Variants in VWA8 observed in about 807,000 individuals in gnomAD.
The protein encoded by VWA8 is von Willebrand factor A domain-containing protein 8.
Under a neutral mutation model 241.5 loss-of-function variants are expected in VWA8, and 221 were observed. The observed-to-expected ratio is 0.91, with a 90% CI of 0.82 to 1.02. The LOEUF (loss-of-function observed/expected upper bound fraction) is 1.02, where lower values mean the gene tolerates loss of function less well. Among genes scored for constraint, VWA8 ranks in the 50% least tolerant of loss-of-function variants. VWA8 has a pLI of 0.00. For missense variants in VWA8, 2,322 were observed against 2,328.7 expected (o/e 1.00, Z 0.06); for synonymous variants, 852 against 827.1 (o/e 1.03, Z -0.52).
chr13:41,775,227 C>CA (rs994446428), intron 20 of VWA8, among the ~76,000 whole-genome samples: 3 of 151,786 alleles, frequency 2.0e-5, no homozygotes, highest in African/African-American at 7.3e-5. Flanking sequence ...AATTTACTTC[C>CA]AAAAAAACAT....
intron 12 of VWA8, among the ~76,000 whole-genome samples, chr13:41,839,011 G>A (rs1266435848): frequency 6.6e-6 from 1 of 152,040 alleles, no homozygotes; most frequent in Non-Finnish European, 1.5e-5. Context: ...GTTATATACT[G>A]AGTAATGGGA....
chr13:41,622,489 G>A (rs1310076075), intron 37 of VWA8, among the ~76,000 whole-genome samples: 1 of 152,036 alleles, frequency 6.6e-6, no homozygotes, highest in East Asian at 1.9e-4. Context: ...TCACTTAAAG[G>A]GATCAAAAAT....
chr13:41,571,256 A>ATATC (rs1471269559), intron 43 of VWA8, among the ~76,000 whole-genome samples: 7 of 147,078 alleles, frequency 4.8e-5, no homozygotes, highest in Non-Finnish European at 9.0e-5. Flanking sequence ...ATATGATTGT[A>ATATC]TATCTAGAAA....
At chr13:41,793,598 G>C (rs1391159281) in intron 17 of VWA8, among the ~76,000 whole-genome samples, 1 of 152,100 alleles carries the variant, frequency 6.6e-6, no homozygotes, top group Non-Finnish European at 1.5e-5. Flanking sequence ...TGGATCACGA[G>C]GTCAAGAGAT....
At chr13:41,818,781 C>T (rs536402671) in intron 15 of VWA8, among the ~76,000 whole-genome samples, 1 of 152,164 alleles carries the variant, frequency 6.6e-6, no homozygotes, top group East Asian at 1.9e-4. Flanking sequence ...ACGTGTCTGG[C>T]CTCCTTTTAT....
chr13:41,724,567 G>A (rs1342121897), intron 24 of VWA8, among the ~76,000 whole-genome samples: 1 of 152,176 alleles, frequency 6.6e-6, no homozygotes, highest in Non-Finnish European at 1.5e-5. Context: ...CAACAAGTGG[G>A]AAAGCAGGGC....
intron 37 of VWA8, among the ~76,000 whole-genome samples, chr13:41,648,239 T>C (rs1470177364): frequency 6.6e-6 from 1 of 152,178 alleles, no homozygotes; most frequent in African/African-American, 2.4e-5. Flanking sequence ...TTTTTTAGCA[T>C]TGGAAAAAAC....
chr13:41,849,643 C>T (rs1012866387), intron 12 of VWA8, among the ~76,000 whole-genome samples: 1 of 152,132 alleles, frequency 6.6e-6, no homozygotes, highest in African/African-American at 2.4e-5. Flanking sequence ...AATCCCAGCA[C>T]TTTGGGAGGC....
chr13:41,733,977 A>G (rs1314650427), intron 21 of VWA8, among the ~76,000 whole-genome samples: 2 of 152,250 alleles, frequency 1.3e-5, no homozygotes, highest in East Asian at 3.8e-4. Flanking sequence ...TTGTTTTTAA[A>G]CAGAGAATCT....
At chr13:41,881,393 A>T (rs1378135957) in intron 9 of VWA8, among the ~76,000 whole-genome samples, 1 of 43,322 alleles carries the variant, frequency 2.3e-5, no homozygotes, top group Non-Finnish European at 4.4e-5. Flanking sequence ...GGGGGGGGGT[A>T]AGGTCACAGA....
At chr13:41,942,721 G>A (rs1404702708) in intron 2 of VWA8, among the ~76,000 whole-genome samples, 1 of 152,164 alleles carries the variant, frequency 6.6e-6, no homozygotes, top group Non-Finnish European at 1.5e-5. Context: ...TTTCCCTAGT[G>A]CAAGGCAACA....
Position 41,865,780 on chromosome 13 carries a change from C to G in VWA8, c.1381G>C (p.Ala461Pro), listed in dbSNP as rs370956684. The G allele has an allele frequency of 1.2e-6, 2 of 1,614,000 alleles. No individual in the cohort carries two copies. The highest frequency in any genetic ancestry group is 2.7e-5 in the African/African-American group (2 of 74,902). The change falls in exon 12 of 45, where the codon GCC becomes CCC. Residue 461 changes from alanine to proline, a missense_variant. Physicochemically the swap from Ala to Pro is conservative, Grantham distance 27 (BLOSUM62 -1). Transcript: ENST00000379310. ...TCTATGTTGTATCCTAAGGTATCGG[C>G]AAAGTTCTTAGCGATCACTGTTTTT... ...CGKTVIAKNF[A>P]DTLGYNIEPI...
rs138186489 is a variant in VWA8 at position 41,936,953 on chromosome 13, C to T, written c.241+12983G>A. ...AAGATTATACTGGAATTGAAGCATT[C>T]CTATCACCTAGTGATGTCATAGTGT... On this transcript the variant is annotated intron_variant, in intron 2 of 44. Coordinates refer to ENST00000379310, the MANE Select transcript of VWA8 (RefSeq NM_015058.2). Among the ~76,000 whole-genome samples, 586 of 152,268 alleles carry T rather than the reference C, an allele frequency of 3.8e-3. 11 individuals carry two copies. Among genetic ancestry groups the T allele is most frequent in the Admixed American group, 0.034 (522 of 15,302 alleles).
chr13:41,750,306 G>T (rs1181629850), intron 21 of VWA8, among the ~76,000 whole-genome samples: 1 of 151,916 alleles, frequency 6.6e-6, no homozygotes, highest in Non-Finnish European at 1.5e-5. Flanking sequence ...AGTGGTGCGT[G>T]CCTGTAGTTC....
chr13:41,677,096 T>A lies in VWA8; in HGVS notation c.4328-1800A>T, dbSNP rs2045065559. Among the ~76,000 whole-genome samples the A allele has an allele frequency of 2.0e-5, 3 of 152,070 alleles. No individual in the cohort carries two copies. In the South Asian group the frequency reaches 6.2e-4, roughly 32 times the overall value. Reference sequence around the variant, plus strand: ...TAGACTTTAGGAATATTTATCTTTCTTTTGGGATTTCAACATTTGGGGTTA... The same window carrying A: ...TAGACTTTAGGAATATTTATCTTTCATTTGGGATTTCAACATTTGGGGTTA... On this transcript the variant is annotated intron_variant, in intron 35 of 44. Transcript: ENST00000379310.
intron 42 of VWA8, among the ~76,000 whole-genome samples, chr13:41,577,070 G>A (rs2044355201): frequency 6.6e-6 from 1 of 152,216 alleles, no homozygotes; most frequent in East Asian, 1.9e-4. Flanking sequence ...AGAGGCCCAC[G>A]CAGGATTTGG....
chr13:41,576,606 G>T (rs1262638949), intron 42 of VWA8, among the ~76,000 whole-genome samples: 1 of 152,216 alleles, frequency 6.6e-6, no homozygotes, highest in African/African-American at 2.4e-5. Context: ...TGTCCTGGGG[G>T]AGAGATGTGG....
Position 41,929,504 on chromosome 13 carries a change from T to C in VWA8, c.242-17336A>G, listed in dbSNP as rs534441417. 5.1e-4 allele frequency among the ~76,000 whole-genome samples: 78 copies of C among 152,214 alleles called. 1 individual carries two copies. In the South Asian group the frequency reaches 0.012, roughly 24 times the overall value. On this transcript the variant is annotated intron_variant, in intron 2 of 44. Coordinates refer to ENST00000379310, the MANE Select transcript of VWA8 (RefSeq NM_015058.2). ...AAATATCACACTTACCCCAGAAATA[T>C]GTGCAACTAGTATGTATCAGTTTTT...
intron 38 of VWA8, among the ~76,000 whole-genome samples, chr13:41,612,989 C>T (rs1272741066): frequency 6.6e-6 from 1 of 152,126 alleles, no homozygotes; most frequent in Non-Finnish European, 1.5e-5. Flanking sequence ...ATATAATGGA[C>T]TGCTTTTACT....
Sources: allele counts gnomAD v4.1 joint callset (sites outside exome capture counted in the v4.1 genomes callset), GRCh38; gene constraint gnomAD v4.1.1; transcripts MANE v1.5; gene names NCBI Gene and HGNC (gene_info 2026-07-23, HGNC 2026-07-21).